The following NLGN1 variants were observed in gnomAD, a reference collection of about 807,000 sequenced individuals.
NLGN1 encodes neuroligin 1, also known as neuroligin-1.
Under a neutral mutation model 65.5 loss-of-function variants are expected in NLGN1, and 12 were observed. The observed-to-expected ratio is 0.18, with a 90% CI of 0.12 to 0.30. The LOEUF (loss-of-function observed/expected upper bound fraction) is 0.30. NLGN1 is among the 10% of genes least tolerant of loss of function. NLGN1 has a pLI of 1.00. For synonymous variants in NLGN1, 350 were observed against 359.5 expected, an observed-to-expected ratio of 0.97 and a Z score of 0.30; for missense variants, 750 against 1,007.1, an observed-to-expected ratio of 0.74 and a Z score of 3.46.
intron 3 of NLGN1, among the ~76,000 whole-genome samples, chr3:173,766,220 G>C (rs1299729962): frequency 1.3e-5 from 2 of 151,364 alleles, no homozygotes. Context: ...TCCCGAGTAG[G>C]TGGGATTACA....
At chr3:173,866,458 T>TA (rs1378583165) in intron 4 of NLGN1, among the ~76,000 whole-genome samples, 3 of 152,192 alleles carry the variant, frequency 2.0e-5, no homozygotes, top group Non-Finnish European at 2.9e-5. Context: ...ATGCATGAGT[T>TA]AAAAAATAAA....
chr3:173,637,334 A>G (rs1427504532), intron 3 of NLGN1, among the ~76,000 whole-genome samples: 3 of 152,148 alleles, frequency 2.0e-5, no homozygotes, highest in East Asian at 3.9e-4. Flanking sequence ...CTGTCCTGCT[A>G]TTATGGTACT....
At chr3:174,015,980 T>C (rs1726478833) in intron 4 of NLGN1, among the ~76,000 whole-genome samples, 3 of 152,018 alleles carry the variant, frequency 2.0e-5, no homozygotes, top group Admixed American at 1.3e-4. Flanking sequence ...GAGAATAATA[T>C]CTGGAAGACA....
At chr3:173,509,020 A>G (rs1365797132) in intron 2 of NLGN1, among the ~76,000 whole-genome samples, 1 of 152,120 alleles carries the variant, frequency 6.6e-6, no homozygotes. Context: ...GTCAAGTTCC[A>G]TCATCCCAAG....
intron 4 of NLGN1, among the ~76,000 whole-genome samples, chr3:173,991,701 G>GGA (rs1721138210): frequency 6.6e-6 from 1 of 152,170 alleles, no homozygotes; most frequent in Admixed American, 6.5e-5. Context: ...CCTCATTGAA[G>GGA]GCTCCGTATG....
chr3:173,662,641 G>A (rs1502485), intron 3 of NLGN1, among the ~76,000 whole-genome samples: 62,475 of 151,302 alleles, frequency 0.41, 13,739 homozygotes, highest in African/African-American at 0.59. Flanking sequence ...TTTTCATTCG[G>A]GTCTTTCTTA....
chr3:173,440,457 G>C (rs1718968948), intron 2 of NLGN1, among the ~76,000 whole-genome samples: 1 of 152,160 alleles, frequency 6.6e-6, no homozygotes, highest in African/African-American at 2.4e-5. Context: ...ATCTATGGCA[G>C]TGGTAGCCTT....
intron 2 of NLGN1, among the ~76,000 whole-genome samples, chr3:173,570,331 G>C (rs1306217903): frequency 6.6e-6 from 1 of 152,216 alleles, no homozygotes; most frequent in Non-Finnish European, 1.5e-5. Context: ...GCCACAAGTA[G>C]CGCAGCATGC....
At chr3:173,779,277 A>G (rs1780772859) in intron 3 of NLGN1, among the ~76,000 whole-genome samples, 1 of 141,480 alleles carries the variant, frequency 7.1e-6, no homozygotes, top group African/African-American at 2.6e-5. Context: ...TATTGAACAT[A>G]GACTGCATTT....
At chr3:173,676,416 C>T (rs1763180821) in intron 3 of NLGN1, among the ~76,000 whole-genome samples, 2 of 152,174 alleles carry the variant, frequency 1.3e-5, no homozygotes, top group South Asian at 2.1e-4. Context: ...AGCCAGTCTG[C>T]CCTTTTGGTT....
chr3:174,131,181 C>T (rs114910378), intron 4 of NLGN1, among the ~76,000 whole-genome samples: 2,079 of 152,032 alleles, frequency 0.014, 43 homozygotes, highest in African/African-American at 0.044. Context: ...GGCTAATGTA[C>T]GAAATACATG....
chr3:174,026,527 G>C (rs1006180941), intron 4 of NLGN1, among the ~76,000 whole-genome samples: 1 of 151,960 alleles, frequency 6.6e-6, no homozygotes, highest in Non-Finnish European at 1.5e-5. Flanking sequence ...GAGAAATACA[G>C]CACAAACACT....
At chr3:174,009,227 A>C (rs1247911275) in intron 4 of NLGN1, among the ~76,000 whole-genome samples, 2 of 152,162 alleles carry the variant, frequency 1.3e-5, no homozygotes, top group Non-Finnish European at 2.9e-5. Flanking sequence ...CCCTCATTAC[A>C]TCATCTAAAA....
At chr3:173,612,708 A>T (rs1454173970) in intron 3 of NLGN1, among the ~76,000 whole-genome samples, 4 of 152,094 alleles carry the variant, frequency 2.6e-5, no homozygotes, top group African/African-American at 9.7e-5. Context: ...AGGTCATTGT[A>T]TCGCTTTGGT....
chr3:174,033,227 G>A (rs534322470), intron 4 of NLGN1, among the ~76,000 whole-genome samples: 20 of 152,214 alleles, frequency 1.3e-4, no homozygotes, highest in African/African-American at 3.9e-4. Context: ...TAGGGACGTC[G>A]AAAGTTAAGA....
intron 4 of NLGN1, among the ~76,000 whole-genome samples, chr3:173,843,239 CT>C (rs1725120280): frequency 6.6e-6 from 1 of 152,356 alleles, no homozygotes; most frequent in Non-Finnish European, 1.5e-5. Context: ...CACAAAACCA[CT>C]TTTTCCTCCT....
Position 174,073,515 on chromosome 3 carries a change from G to A in NLGN1, c.647-201800G>A, listed in dbSNP as rs369232584. Among the ~76,000 whole-genome samples, 83 of 152,188 alleles carry A rather than the reference G, an allele frequency of 5.5e-4. 1 individual carries two copies. The highest frequency in any genetic ancestry group is 3.7e-3 in the Admixed American group (56 of 15,280). On this transcript the variant is annotated intron_variant, in intron 4 of 6. Transcript: ENST00000457714. The stretch of plus-strand genomic sequence containing the variant: ...CTGGTAGAAAATTCCAAATCTTGGC[G>A]TCACTCTTTTGGATGAAGACACTGG...
At chr3:173,517,742 T>C (rs887090824) in intron 2 of NLGN1, among the ~76,000 whole-genome samples, 4 of 144,184 alleles carry the variant, frequency 2.8e-5, no homozygotes, top group African/African-American at 1.0e-4. Context: ...CACTTTGCTT[T>C]CGCAAATTTA....
At chr3:173,547,859 G>C (rs960238651) in intron 2 of NLGN1, among the ~76,000 whole-genome samples, 2 of 151,964 alleles carry the variant, frequency 1.3e-5, no homozygotes, top group Admixed American at 1.3e-4. Context: ...TCTATTACAG[G>C]GGGGTAGGAA....
Sources: allele counts gnomAD v4.1 joint callset (sites outside exome capture counted in the v4.1 genomes callset), GRCh38; gene constraint gnomAD v4.1.1; transcripts MANE v1.5; gene names NCBI Gene and HGNC (gene_info 2026-07-23, HGNC 2026-07-21).